FMR1NB: variants seen among roughly 807,000 people sequenced by gnomAD.
The protein encoded by FMR1NB is FMR1 neighbor protein.
FMR1NB carries 10 observed loss-of-function variants against 16.8 expected under a neutral mutation model. The observed-to-expected ratio is 0.60, with a 90% CI of 0.37 to 1.01. The LOEUF (loss-of-function observed/expected upper bound fraction) is 1.01. FMR1NB is among the 50% of genes least tolerant of loss of function. The pLI is 0.01. For synonymous variants in FMR1NB, 83 were observed against 79.1 expected, an observed-to-expected ratio of 1.05 and a Z score of -0.26; for missense variants, 205 against 204.8, an observed-to-expected ratio of 1.00 and a Z score of 0.00.
chrX:147,994,034 G>A (rs782669087), intron 1 of FMR1NB, among the ~76,000 whole-genome samples: 5 of 110,871 alleles, frequency 4.5e-5, no homozygotes, highest in South Asian at 3.8e-4. Context: ...CCATAATGGC[G>A]TGCCTTTTCT....
intron 4 of FMR1NB, among the ~76,000 whole-genome samples, chrX:148,010,530 C>T (rs781786395): frequency 4.5e-5 from 5 of 111,715 alleles, no homozygotes; most frequent in Admixed American, 2.9e-4. Flanking sequence ...CTCCTTAGAA[C>T]GATTTCCTTA....
chrX:147,986,060 T>C (rs2044474745), intron 1 of FMR1NB, among the ~76,000 whole-genome samples: 1 of 112,822 alleles, frequency 8.9e-6, no homozygotes, highest in Non-Finnish European at 1.9e-5. Flanking sequence ...TGCATTTCTC[T>C]AATGACCAGT....
At chrX:147,985,151 G>A (rs1184504134) in intron 1 of FMR1NB, among the ~76,000 whole-genome samples, 4 of 111,105 alleles carry the variant, frequency 3.6e-5, no homozygotes, top group Admixed American at 2.9e-4. Flanking sequence ...GTCTTTGCCT[G>A]CCCTTGGGAT....
chrX:148,005,626 T>A (rs2044592503), intron 2 of FMR1NB, among the ~76,000 whole-genome samples: 1 of 112,176 alleles, frequency 8.9e-6, no homozygotes, highest in Non-Finnish European at 1.9e-5. Flanking sequence ...GTTACTTTGA[T>A]CCTTTATTAT....
intron 4 of FMR1NB, among the ~76,000 whole-genome samples, chrX:148,010,181 G>A (rs1267907977): frequency 6.2e-5 from 7 of 112,105 alleles, no homozygotes; most frequent in Non-Finnish European, 1.1e-4. Flanking sequence ...AGTACAGACT[G>A]CTTGAGAAAC....
At chrX:147,999,935 A>C (rs1429725705) in intron 1 of FMR1NB, among the ~76,000 whole-genome samples, 1 of 112,091 alleles carries the variant, frequency 8.9e-6, no homozygotes, top group Non-Finnish European at 1.9e-5. Context: ...AGAAATCGTC[A>C]AAACCACAAT....
chrX:148,020,131 C>G (rs2044671285), intron 4 of FMR1NB, among the ~76,000 whole-genome samples: 1 of 111,593 alleles, frequency 9.0e-6, no homozygotes, highest in African/African-American at 3.3e-5. Context: ...TGCAGTTCTT[C>G]CCACTGTTTC....
At chrX:147,996,373 A>G (rs2044541494) in intron 1 of FMR1NB, among the ~76,000 whole-genome samples, 1 of 111,796 alleles carries the variant, frequency 8.9e-6, no homozygotes, top group South Asian at 3.7e-4. Flanking sequence ...AAGTTTACTG[A>G]CATGCTCAAG....
At chrX:148,011,683 G>A (rs2044626023) in intron 4 of FMR1NB, among the ~76,000 whole-genome samples, 1 of 111,619 alleles carries the variant, frequency 9.0e-6, no homozygotes, top group African/African-American at 3.3e-5. Flanking sequence ...CGATTTTGAA[G>A]GGGGACAGAT....
chrX:148,002,471 A>G (rs1322851968), intron 1 of FMR1NB, among the ~76,000 whole-genome samples: 1 of 111,668 alleles, frequency 9.0e-6, no homozygotes, highest in Non-Finnish European at 1.9e-5. Context: ...TTTCATGAAT[A>G]TTTGCAAATA....
chrX:148,011,405 A>G (rs572154886), intron 4 of FMR1NB, among the ~76,000 whole-genome samples: 12 of 111,830 alleles, frequency 1.1e-4, no homozygotes, highest in African/African-American at 2.9e-4. Flanking sequence ...CATTTTTTCC[A>G]CTATTGACCA....
chrX:147,999,943 A>C (rs1470222081), intron 1 of FMR1NB, among the ~76,000 whole-genome samples: 1 of 112,073 alleles, frequency 8.9e-6, no homozygotes, highest in Non-Finnish European at 1.9e-5. Context: ...TCAAAACCAC[A>C]ATCATGGTGA....
chrX:148,003,925 A>G (rs1557188852), intron 2 of FMR1NB, among the ~76,000 whole-genome samples: 1 of 112,177 alleles, frequency 8.9e-6, no homozygotes, highest in Non-Finnish European at 1.9e-5. Context: ...AAATTGGAAT[A>G]TGTGAAGTAC....
At chrX:148,022,311 G>T (rs1458023368) in intron 4 of FMR1NB, among the ~76,000 whole-genome samples, 3 of 111,239 alleles carry the variant, frequency 2.7e-5, no homozygotes, top group African/African-American at 9.8e-5. Context: ...GCACACATTG[G>T]GTCAGGCTTC....
chrX:147,997,722 TA>T lies in FMR1NB; in HGVS notation c.278-5477del, dbSNP rs1194561624. ...GCAATCTATCCATCTGACAAAAGGCTAATATCCAGAATCTACAAGGAGCTTA... is the reference window on the plus strand; with the variant it reads ...GCAATCTATCCATCTGACAAAAGGCTATATCCAGAATCTACAAGGAGCTTA... On this transcript the variant is annotated intron_variant, in intron 1 of 5. Coordinates refer to ENST00000370467, the MANE Select transcript of FMR1NB (RefSeq NM_152578.3). Among the ~76,000 whole-genome samples, 5 of 110,969 alleles carry T rather than the reference TA, an allele frequency of 4.5e-5. 1 individual carries two copies. The East Asian group carries it at 1.4e-3, about 31-fold the overall frequency.
chrX:148,024,793 C>T, intron 4 of FMR1NB, 72 bp from the exon 5 acceptor site: 1 of 1,121,383 alleles, frequency 8.9e-7, no homozygotes, highest in Non-Finnish European at 1.2e-6. Flanking sequence ...ATATTTTTTT[C>T]CTTATAACCC....
At chrX:148,020,336 C>G (rs2044672219) in intron 4 of FMR1NB, among the ~76,000 whole-genome samples, 1 of 112,087 alleles carries the variant, frequency 8.9e-6, no homozygotes, top group Non-Finnish European at 1.9e-5. Context: ...GAAATGCCAT[C>G]CAACAGCCAA....
At chrX:147,982,659 G>A (rs1283134334) in intron 1 of FMR1NB, among the ~76,000 whole-genome samples, 6 of 107,909 alleles carry the variant, frequency 5.6e-5, no homozygotes, top group Admixed American at 4.0e-4. Flanking sequence ...TTTGGGAGGC[G>A]GAGGCGGGTG....
At chrX:148,020,024 C>T (rs1265044678) in intron 4 of FMR1NB, among the ~76,000 whole-genome samples, 3 of 112,285 alleles carry the variant, frequency 2.7e-5, no homozygotes, top group African/African-American at 9.7e-5. Flanking sequence ...CAGGCATGTC[C>T]AGGGGTACTT....
Sources: gnomAD v4.1 joint callset for allele counts (sites outside exome capture counted in the v4.1 genomes callset) on GRCh38, gnomAD v4.1.1 for gene constraint, MANE v1.5 for transcripts, NCBI Gene and HGNC (gene_info 2026-07-23, HGNC 2026-07-21) for gene names.